The following DCC variants were observed in gnomAD, a reference collection of about 807,000 sequenced individuals.
The protein encoded by DCC is netrin receptor DCC.
Under a neutral mutation model 172.5 loss-of-function variants are expected in DCC, and 58 were observed. The observed-to-expected ratio is 0.34, with a 90% CI of 0.27 to 0.42. The LOEUF (loss-of-function observed/expected upper bound fraction) is 0.42, where lower values mean the gene tolerates loss of function less well. Ranked by LOEUF, DCC falls within the 10% of genes least tolerant of loss-of-function variation. DCC has a pLI of 1.00. For synonymous variants in DCC, 709 were observed against 644.5 expected, an observed-to-expected ratio of 1.10 and a Z score of -1.52; for missense variants, 1,740 against 1,791.0, an observed-to-expected ratio of 0.97 and a Z score of 0.51.
intron 17 of DCC, among the ~76,000 whole-genome samples, chr18:53,396,396 A>AAT (rs947938949): frequency 6.6e-4 from 101 of 152,300 alleles, no homozygotes; most frequent in African/African-American, 2.3e-3. Flanking sequence ...TTGAGTAAGC[A>AAT]ATAAAGAACT....
At position 52,347,209 on chromosome 18, in the gene DCC, G is replaced by A. The variant is rs141491976; in HGVS notation, c.91+6331G>A. On this transcript the variant is annotated intron_variant, in intron 1 of 28. Coordinates refer to ENST00000442544, the MANE Select transcript of DCC (RefSeq NM_005215.4). ...GGCCATCTACAATGTTCTTAAATCTGTGTTTACATTTTGACAAGAGAAAAA... is the reference window on the plus strand; with the variant it reads ...GGCCATCTACAATGTTCTTAAATCTATGTTTACATTTTGACAAGAGAAAAA... Among the ~76,000 whole-genome samples, 26 of 152,212 alleles carry A rather than the reference G, an allele frequency of 1.7e-4. 1 individual carries two copies. The East Asian group carries it at 5.0e-3, about 29-fold the overall frequency.
rs187642299 is a variant in DCC, at chr18:53,207,733, G to A, written c.1777G>A (p.Glu593Lys). ...ACTGGAAGGCCTGAAAAAATTCACC[G>A]AATATAGTCTTCGATTCTTAGCTTA... ...YKLEGLKKFT[E>K]YSLRFLAYNR... Residue 593 changes from glutamate to lysine, a missense_variant, in exon 11 of 29, where the codon GAA (glutamate) becomes AAA (lysine). Around this residue, in one of 2 missense-constraint regions of DCC, gnomAD observed 1,732 missense variants for 1,767.4 expected, o/e 0.98. Coordinates refer to ENST00000442544, the MANE Select transcript of DCC (RefSeq NM_005215.4). 31 of 1,613,054 alleles carry A rather than the reference G, an allele frequency of 1.9e-5. No homozygotes were observed. The highest frequency in any genetic ancestry group is 1.9e-4 in the African/African-American group (14 of 74,980).
At chr18:52,467,502 A>G (rs1988821019) in intron 1 of DCC, among the ~76,000 whole-genome samples, 1 of 152,186 alleles carries the variant, frequency 6.6e-6, no homozygotes, top group African/African-American at 2.4e-5. Context: ...GTGCTGCAAT[A>G]AACATATCTG....
rs565027294 is a variant in DCC, at chr18:52,857,026, CTCT to C, written c.413-49013_413-49011del. On this transcript the variant is annotated intron_variant, in intron 2 of 28. Coordinates refer to ENST00000442544, the MANE Select transcript of DCC (RefSeq NM_005215.4). ...CTATATGTATAAGCAGATCCACATT[CTCT>C]TCTTTTAGCTTTTCTGCTTCATAAG... Among the ~76,000 whole-genome samples, 61 of 152,314 alleles carry C rather than the reference CTCT, an allele frequency of 4.0e-4. 1 individual carries two copies. In the South Asian group the frequency reaches 5.0e-3, roughly 12 times the overall value.
intron 1 of DCC, among the ~76,000 whole-genome samples, chr18:52,499,517 GATC>G: frequency 1.3e-5 from 2 of 152,068 alleles, no homozygotes; most frequent in Non-Finnish European, 2.9e-5. Flanking sequence ...TTCATTTCCT[GATC>G]TTCTGATGGA....
At position 53,091,642 on chromosome 18, in the gene DCC, A is replaced by G. The variant is rs1283644664; in HGVS notation, c.1261+25476A>G. Among the ~76,000 whole-genome samples the G allele has an allele frequency of 2.0e-5, 3 of 151,462 alleles. No homozygotes were observed. In the East Asian group the frequency reaches 5.8e-4, roughly 29 times the overall value. On this transcript the variant is annotated intron_variant, in intron 7 of 28. Coordinates refer to ENST00000442544, the MANE Select transcript of DCC (RefSeq NM_005215.4). Reference sequence around the variant, plus strand: ...AAAGAGAGAGAGATAATTCCCTGGGATCTCTTTTATAAGAGCACAAATTCT... The same window carrying G: ...AAAGAGAGAGAGATAATTCCCTGGGGTCTCTTTTATAAGAGCACAAATTCT...
At position 52,340,594 on chromosome 18, in the gene DCC, G is replaced by A. The variant is rs1983581729; in HGVS notation, c.-194G>A. ...GCTTTTGCTGCTGATTCTGTCAGTG[G>A]ACAAGGAAAAAGGCTTCGAAGGCAG... On this transcript the variant is annotated 5_prime_UTR_variant, in exon 1 of 29. Transcript: ENST00000442544. The A allele has an allele frequency of 1.5e-6, 1 of 663,410 alleles. No individual in the cohort carries two copies. The highest frequency in any genetic ancestry group is 2.7e-6 in the Non-Finnish European group (1 of 365,564). 41.1% of individuals were successfully genotyped at this position (663,410 alleles called of 1,614,324 possible). A position where few individuals can be genotyped will look rare whatever the true frequency, so the allele number is the denominator to read the frequency against.
intron 12 of DCC, among the ~76,000 whole-genome samples, chr18:53,297,796 A>T (rs2057085574): frequency 6.6e-6 from 1 of 152,238 alleles, no homozygotes; most frequent in Non-Finnish European, 1.5e-5. Flanking sequence ...TATAATTTGG[A>T]GCCTCCAGCT....
chr18:52,609,805 A>G (rs1221886), intron 1 of DCC, among the ~76,000 whole-genome samples: 38,567 of 151,612 alleles, frequency 0.25, 5,096 homozygotes, highest in African/African-American at 0.32. Flanking sequence ...GAAGATATAG[A>G]TGACTCAAAT....
intron 2 of DCC, among the ~76,000 whole-genome samples, chr18:52,783,275 C>A (rs1391688856): frequency 7.3e-6 from 1 of 136,944 alleles, no homozygotes; most frequent in Non-Finnish European, 1.5e-5. Context: ...TCCTTGAATA[C>A]AGTAAGCATA....
At chr18:53,452,542 A>G (rs1195333041) in intron 23 of DCC, among the ~76,000 whole-genome samples, 1 of 152,166 alleles carries the variant, frequency 6.6e-6, no homozygotes, top group Non-Finnish European at 1.5e-5. Flanking sequence ...ATCTCCAGTC[A>G]TCTTAAATCC....
chr18:53,226,934 G>GTATATATATATATATATATATATATA (rs1555734406), intron 12 of DCC, among the ~76,000 whole-genome samples: 1 of 68,162 alleles, frequency 1.5e-5, no homozygotes, highest in African/African-American at 6.2e-5. Flanking sequence ...GTGTGTGTGT[G>GTATATATATATATATATATATATATA]TATATATATA....
intron 21 of DCC, among the ~76,000 whole-genome samples, chr18:53,419,540 C>T (rs72916414): frequency 0.43 from 65,180 of 150,958 alleles, 15,735 homozygotes; most frequent in Non-Finnish European, 0.55. Flanking sequence ...TTGATTTTTT[C>T]CCTTTTTTTC....
At chr18:52,544,965 C>T (rs2032572152) in intron 1 of DCC, among the ~76,000 whole-genome samples, 4 of 152,150 alleles carry the variant, frequency 2.6e-5, no homozygotes, top group Admixed American at 2.6e-4. Context: ...GCCACTGCAG[C>T]TCAGCTTGGA....
At chr18:53,414,847 C>G (rs1910210547) in intron 20 of DCC, among the ~76,000 whole-genome samples, 1 of 152,100 alleles carries the variant, frequency 6.6e-6, no homozygotes, top group Non-Finnish European at 1.5e-5. Flanking sequence ...TAATAAAAAT[C>G]CTGGTATATG....
chr18:52,381,718 A>G (rs903410069), intron 1 of DCC, among the ~76,000 whole-genome samples: 1 of 152,076 alleles, frequency 6.6e-6, no homozygotes, highest in Non-Finnish European at 1.5e-5. Context: ...TTTTGGCTTC[A>G]AGGTCTGCTT....
Position 52,822,469 on chromosome 18 carries a change from T to G in DCC, c.412+70095T>G, listed in dbSNP as rs192301655. ...TAATAGCTGAGCTGAGAGGCCTTTT[T>G]CTTATTTGTAATTCTCCCTTCTAAA... is the stretch of plus-strand genomic sequence containing the variant. On this transcript the variant is annotated intron_variant, in intron 2 of 28. Coordinates refer to ENST00000442544, the MANE Select transcript of DCC (RefSeq NM_005215.4). Among the ~76,000 whole-genome samples the G allele has an allele frequency of 2.6e-3, 394 of 152,346 alleles. 1 individual carries two copies. The highest frequency in any genetic ancestry group is 9.0e-3 in the African/African-American group (373 of 41,584).
In DCC at chr18:53,416,159, A is replaced by G. The variant is rs1340935023; in HGVS notation, c.3163+3A>G. The G allele has an allele frequency of 1.2e-6, 2 of 1,603,508 alleles. No homozygotes were observed. The highest frequency in any genetic ancestry group is 8.5e-7 in the Non-Finnish European group (1 of 1,170,586). ...TGACAAAATGGCTAATGACCAAGGT[A>G]TGGTGGCTCAATCTGTCATTTTGTG... On this transcript the variant is annotated splice_donor_region_variant and intron_variant, in intron 21 of 28. Transcript: ENST00000442544.
intron 1 of DCC, among the ~76,000 whole-genome samples, chr18:52,436,154 T>C (rs1052000192): frequency 1.2e-4 from 19 of 152,228 alleles, no homozygotes; most frequent in Non-Finnish European, 2.8e-4. Flanking sequence ...AGGACTGTTT[T>C]TGAAATACGT....
Sources: gnomAD v4.1 joint callset for allele counts (sites outside exome capture counted in the v4.1 genomes callset) on GRCh38, gnomAD v4.1.1 for gene constraint, gnomAD v4.1.1 regional missense constraint, MANE v1.5 for transcripts, NCBI Gene and HGNC (gene_info 2026-07-23, HGNC 2026-07-21) for gene names.